The following PCDHA7 variants were observed in gnomAD, a reference collection of about 807,000 sequenced individuals.
PCDHA7 encodes protocadherin alpha 7.
In PCDHA7, 37 loss-of-function variants were observed where a neutral mutation model predicts 57.2. That is an observed-to-expected ratio of 0.65 (90% CI 0.50 to 0.85). The LOEUF (loss-of-function observed/expected upper bound fraction) is 0.85, where lower values mean the gene tolerates loss of function less well. Ranked by LOEUF, PCDHA7 falls within the 40% of genes least tolerant of loss-of-function variation. The pLI, the probability that PCDHA7 is intolerant of heterozygous loss-of-function variation, is 0.00. For synonymous variants in PCDHA7, 553 were observed against 558.8 expected (o/e 0.99, Z 0.15); for missense variants, 1,188 against 1,241.8 (o/e 0.96, Z 0.65).
intron 2 of PCDHA7, among the ~76,000 whole-genome samples, chr5:140,979,453 A>G (rs2096852067): frequency 6.6e-6 from 1 of 151,906 alleles, no homozygotes; most frequent in Admixed American, 6.6e-5. Flanking sequence ...TATTACCCTC[A>G]ATAATTGATT....
intron 1 of PCDHA7, chr5:140,929,214 G>A: frequency 1.2e-6 from 2 of 1,614,076 alleles, no homozygotes; most frequent in Non-Finnish European, 1.7e-6. Context: ...TGCGTGGGGA[G>A]TACAATGCTG....
intron 3 of PCDHA7, 167 bp from the exon 4 acceptor site, chr5:141,009,456 CAAAT>C (rs2098408902): frequency 8.4e-6 from 8 of 947,642 alleles, no homozygotes; most frequent in African/African-American, 3.5e-5. Context: ...AAAAATTAAA[CAAAT>C]AAATAAATAA....
At position 140,871,554 on chromosome 5, in the gene PCDHA7, T is replaced by G. The variant is rs1554165730; in HGVS notation, c.2355+34816T>G. On this transcript the variant is annotated intron_variant, in intron 1 of 3. Transcript: ENST00000525929. The stretch of plus-strand genomic sequence containing the variant: ...GTATGTGAAATTATTTAAAATCCAG[T>G]TTTTTTTCACGGATTTTTTAAGGGA... 18 of 1,487,284 alleles carry G rather than the reference T, an allele frequency of 1.2e-5. 1 individual carries two copies. The highest frequency in any genetic ancestry group is 1.8e-4 in the Middle Eastern group (1 of 5,534). The allele number at this position is 1,487,284 out of a possible 1,614,324, so 92.1% of individuals were successfully genotyped here.
chr5:140,835,807 T>C lies in PCDHA7; in HGVS notation c.1424T>C (p.Phe475Ser). ...AACAACCCGCCGGGCTGCCACATCT[T>C]CACTGTGTCGGCGGGGGACGCGGAC... ...KENNPPGCHI[F>S]TVSAGDADAQ... The change falls in exon 1 of 4, where the codon TTC (phenylalanine) becomes TCC (serine). Residue 475 changes from phenylalanine (F) to serine (S), a missense_variant. By Grantham distance (155) the Phe-to-Ser change is radical. Transcript: ENST00000525929. 1 of 1,612,998 alleles carries C rather than the reference T, an allele frequency of 6.2e-7. No individual in the cohort carries two copies. Among genetic ancestry groups the C allele is most frequent in the East Asian group, 2.2e-5 (1 of 44,828 alleles).
At chr5:140,941,210 T>TCTTC (rs1480454721) in intron 1 of PCDHA7, among the ~76,000 whole-genome samples, 3 of 100,630 alleles carry the variant, frequency 3.0e-5, no homozygotes, top group Non-Finnish European at 5.7e-5. Context: ...TTCCTTTCTT[T>TCTTC]CTTCCTTTCT....
At chr5:140,955,684 G>A (rs1231376434) in intron 1 of PCDHA7, among the ~76,000 whole-genome samples, 2 of 152,156 alleles carry the variant, frequency 1.3e-5, no homozygotes, top group African/African-American at 4.8e-5. Flanking sequence ...TTCGAAATCT[G>A]TGATGAATGT....
intron 1 of PCDHA7, among the ~76,000 whole-genome samples, chr5:140,914,496 C>A (rs782459538): frequency 1.2e-4 from 19 of 152,136 alleles, no homozygotes; most frequent in Non-Finnish European, 4.4e-5. Context: ...TTGTGGGCAA[C>A]AGATCATTGG....
chr5:141,001,278 C>T (rs182360019), intron 3 of PCDHA7, among the ~76,000 whole-genome samples: 500 of 152,168 alleles, frequency 3.3e-3, no homozygotes, highest in Admixed American at 5.6e-3. Context: ...ACTTTTTTTA[C>T]GGATGAAAAC....
intron 2 of PCDHA7, among the ~76,000 whole-genome samples, chr5:140,979,895 T>G (rs1460432451): frequency 6.6e-6 from 1 of 152,222 alleles, no homozygotes; most frequent in Non-Finnish European, 1.5e-5. Context: ...TTCACCAAAC[T>G]TAGATCAGTT....
intron 1 of PCDHA7, among the ~76,000 whole-genome samples, chr5:140,962,849 T>C (rs1434907172): frequency 6.6e-6 from 1 of 152,214 alleles, no homozygotes; most frequent in African/African-American, 2.4e-5. Context: ...ATATAACTTG[T>C]GCTCGGTTTG....
chr5:140,928,050 G>A (rs782229340), intron 1 of PCDHA7: 3 of 1,614,180 alleles, frequency 1.9e-6, no homozygotes, highest in Non-Finnish European at 2.5e-6. Flanking sequence ...GCCCTTTTCA[G>A]CTGACGGCTT....
At chr5:140,971,895 T>C (rs1554233682) in intron 1 of PCDHA7, among the ~76,000 whole-genome samples, 2 of 151,872 alleles carry the variant, frequency 1.3e-5, no homozygotes, top group Non-Finnish European at 2.9e-5. Context: ...TCAGGGAGGT[T>C]AGGTAATCTA....
At chr5:140,935,134 T>G (rs1358918679) in intron 1 of PCDHA7, among the ~76,000 whole-genome samples, 1 of 152,210 alleles carries the variant, frequency 6.6e-6, no homozygotes. Context: ...TAGTGAAAGA[T>G]GATACTTAGA....
chr5:140,948,637 T>C (rs2094284946), intron 1 of PCDHA7, among the ~76,000 whole-genome samples: 1 of 151,712 alleles, frequency 6.6e-6, no homozygotes, highest in Non-Finnish European at 1.5e-5. Context: ...TATTCTCTCA[T>C]CTTTTAACGT....
intron 1 of PCDHA7, chr5:140,841,170 T>G: frequency 1.0e-6 from 1 of 982,276 alleles, no homozygotes; most frequent in Non-Finnish European, 1.5e-6. Context: ...AAGTTCTGGT[T>G]GGTCAATGTT....
intron 1 of PCDHA7, among the ~76,000 whole-genome samples, chr5:140,970,978 A>G (rs2096449048): frequency 1.3e-5 from 2 of 152,188 alleles, no homozygotes; most frequent in African/African-American, 4.8e-5. Flanking sequence ...ATTAAGAAAA[A>G]TGGGGGAATA....
chr5:140,837,350 T>C (rs1318218282), intron 1 of PCDHA7, among the ~76,000 whole-genome samples: 1 of 152,032 alleles, frequency 6.6e-6, no homozygotes, highest in Non-Finnish European at 1.5e-5. Context: ...TAAAATAGTT[T>C]AAATGGCAGT....
chr5:140,880,338 C>T (rs887426306), intron 1 of PCDHA7, among the ~76,000 whole-genome samples: 10 of 152,130 alleles, frequency 6.6e-5, no homozygotes, highest in African/African-American at 1.7e-4. Context: ...AAAAATAAGA[C>T]AGGCAGCAGG....
At chr5:140,913,657 G>A (rs1554196018) in intron 1 of PCDHA7, among the ~76,000 whole-genome samples, 1 of 152,170 alleles carries the variant, frequency 6.6e-6, no homozygotes, top group Non-Finnish European at 1.5e-5. Context: ...TCTTTAAGAT[G>A]TATAGTTAGG....
Sources: allele counts gnomAD v4.1 joint callset (sites outside exome capture counted in the v4.1 genomes callset), GRCh38; gene constraint gnomAD v4.1.1; transcripts MANE v1.5; gene names NCBI Gene and HGNC (gene_info 2026-07-23, HGNC 2026-07-21).